Variants in TMEM178B observed in about 807,000 individuals in gnomAD.
The protein encoded by TMEM178B is transmembrane protein 178B.
In TMEM178B, 5 loss-of-function variants were observed where a neutral mutation model predicts 31.0. The ratio of observed to expected loss-of-function variants is 0.16; its 90% confidence interval spans 0.08 to 0.34. The LOEUF (loss-of-function observed/expected upper bound fraction) is 0.34. Ranked by LOEUF, TMEM178B falls within the 10% of genes least tolerant of loss-of-function variation. The pLI is 1.00. For synonymous variants in TMEM178B, 164 were observed against 164.0 expected (o/e 1.00, Z 0.00); for missense variants, 275 against 400.3 (o/e 0.69, Z 2.67).
In TMEM178B at chr7:141,171,027, C is replaced by T. The variant is rs1461506793; in HGVS notation, c.383-41564C>T. On this transcript the variant is annotated intron_variant, in intron 1 of 3. Coordinates refer to ENST00000565468, the MANE Select transcript of TMEM178B (RefSeq NM_001195278.2). The surrounding 1 kb of genome is among the most constrained non-coding windows in gnomAD (Gnocchi z 4.3). ...CACATCACACACACATACACACACA[C>T]ACACACACACACACACACACACACA... 3.1e-4 allele frequency among the ~76,000 whole-genome samples: 3 copies of T among 9,800 alleles called. No homozygotes were observed. Among genetic ancestry groups the T allele is most frequent in the Admixed American group, 8.3e-4 (1 of 1,208 alleles). The allele number at this position is 9,800 out of a possible 152,430, so 6.4% of individuals were successfully genotyped here.
At chr7:141,406,330 T>C (rs1282485632) in intron 2 of TMEM178B, among the ~76,000 whole-genome samples, 3 of 152,182 alleles carry the variant, frequency 2.0e-5, no homozygotes, top group Non-Finnish European at 4.4e-5. Flanking sequence ...CCTCTTTCCA[T>C]TGATGACTTT....
At chr7:141,337,647 A>G (rs140305594) in intron 2 of TMEM178B, among the ~76,000 whole-genome samples, 1 of 152,188 alleles carries the variant, frequency 6.6e-6, no homozygotes, top group African/African-American at 2.4e-5. Context: ...TTTTGGCTAC[A>G]TCTTTCAGGA....
rs572473875 is a variant in TMEM178B at position 141,410,798 on chromosome 7, C to T, written c.497-26810C>T. ...CAATCTCTTGTTGCTGTTGCCATGACGATCGTATTAAAAGTGGACCCCCAT... is the reference window on the plus strand; with the variant it reads ...CAATCTCTTGTTGCTGTTGCCATGATGATCGTATTAAAAGTGGACCCCCAT... On this transcript the variant is annotated intron_variant, in intron 2 of 3. Transcript: ENST00000565468. 6.6e-5 allele frequency among the ~76,000 whole-genome samples: 10 copies of T among 152,240 alleles called. No homozygotes were observed. The East Asian group carries it at 7.7e-4, about 12-fold the overall frequency.
chr7:141,223,635 A>C (rs908769692), intron 2 of TMEM178B, among the ~76,000 whole-genome samples: 1 of 151,778 alleles, frequency 6.6e-6, no homozygotes, highest in Non-Finnish European at 1.5e-5. Context: ...GAGTTCTGGG[A>C]GTTTGGGGGT....
At chr7:141,501,591 CA>C in the TMEM178B span, among the ~76,000 whole-genome samples, 1 of 152,294 alleles carries the variant, frequency 6.6e-6, no homozygotes, top group East Asian at 1.9e-4. Flanking sequence ...ATATTTAAAT[CA>C]GTAGACTTTG....
intron 2 of TMEM178B, among the ~76,000 whole-genome samples, chr7:141,285,159 T>G (rs547906694): frequency 5.1e-5 from 7 of 137,736 alleles, no homozygotes; most frequent in African/African-American, 1.6e-4. Context: ...TGTTTCTTTT[T>G]TTTTTTTTTT....
At chr7:141,164,001 C>A (rs187413459) in intron 1 of TMEM178B, among the ~76,000 whole-genome samples, 1 of 152,188 alleles carries the variant, frequency 6.6e-6, no homozygotes, top group East Asian at 1.9e-4. Context: ...CAGACTAAGA[C>A]ATTTGTAACT....
At chr7:141,112,527 A>G (rs1301229809) in intron 1 of TMEM178B, among the ~76,000 whole-genome samples, 1 of 152,248 alleles carries the variant, frequency 6.6e-6, no homozygotes, top group African/African-American at 2.4e-5. Flanking sequence ...GTTCTGAGAT[A>G]ACAGGCATGA....
intron 3 of TMEM178B, among the ~76,000 whole-genome samples, chr7:141,453,028 A>G (rs1223875302): frequency 3.3e-5 from 5 of 152,234 alleles, no homozygotes; most frequent in Admixed American, 2.0e-4. Flanking sequence ...TTTTCTGCCT[A>G]TTGAAGCCTG....
chr7:141,392,030 G>A (rs1012742516), intron 2 of TMEM178B, among the ~76,000 whole-genome samples: 3 of 151,742 alleles, frequency 2.0e-5, no homozygotes, highest in African/African-American at 7.3e-5. Flanking sequence ...TTTCACTTTT[G>A]GGGGAATATA....
chr7:141,495,514 G>A, the TMEM178B span, among the ~76,000 whole-genome samples: 2 of 152,108 alleles, frequency 1.3e-5, no homozygotes, highest in Non-Finnish European at 2.9e-5. Context: ...AAATTGGTGG[G>A]GGTGCTTTAG....
At chr7:141,463,271 C>T (rs1802090226) in intron 3 of TMEM178B, among the ~76,000 whole-genome samples, 1 of 152,160 alleles carries the variant, frequency 6.6e-6, no homozygotes, top group Admixed American at 6.5e-5. Context: ...GTCTGAGGTC[C>T]CTTCCAGAAC....
intron 2 of TMEM178B, among the ~76,000 whole-genome samples, chr7:141,362,037 G>A (rs928595887): frequency 1.3e-5 from 2 of 152,230 alleles, no homozygotes; most frequent in African/African-American, 2.4e-5. Context: ...TCTTTAGTGC[G>A]TGGCAATGGC....
intron 1 of TMEM178B, among the ~76,000 whole-genome samples, chr7:141,123,772 A>T (rs1201537953): frequency 6.6e-6 from 1 of 151,440 alleles, no homozygotes; most frequent in African/African-American, 2.4e-5. Context: ...TTTTTTTTTG[A>T]GACAGAGTCT....
At chr7:141,347,144 C>T (rs1258479480) in intron 2 of TMEM178B, among the ~76,000 whole-genome samples, 4 of 152,144 alleles carry the variant, frequency 2.6e-5, no homozygotes, top group African/African-American at 4.8e-5. Context: ...AACTGTGAGT[C>T]GATGACAACT....
chr7:141,134,028 A>G (rs1188132263), intron 1 of TMEM178B, among the ~76,000 whole-genome samples: 2 of 152,092 alleles, frequency 1.3e-5, no homozygotes, highest in African/African-American at 2.4e-5. Context: ...TAAGGGCAGG[A>G]GTTTGAGAGT....
At position 141,095,585 on chromosome 7, in the gene TMEM178B, A is replaced by G. The variant is rs191059188; in HGVS notation, c.382+20893A>G. On this transcript the variant is annotated intron_variant, in intron 1 of 3. Transcript: ENST00000565468. ...CTTATTGAATAGATTGCTCTCCTCC[A>G]TAATCTTTGGTCGCCCATTTGCTTT... Among the ~76,000 whole-genome samples, 171 of 152,254 alleles carry G rather than the reference A, an allele frequency of 1.1e-3. 1 individual carries two copies. Among genetic ancestry groups the G allele is most frequent in the Admixed American group, 9.1e-3 (139 of 15,300 alleles).
At chr7:141,495,869 C>T in the TMEM178B span, among the ~76,000 whole-genome samples, 2 of 152,160 alleles carry the variant, frequency 1.3e-5, no homozygotes, top group Non-Finnish European at 2.9e-5. Context: ...GTGAGTTTGT[C>T]CTTAGACACA....
intron 2 of TMEM178B, among the ~76,000 whole-genome samples, chr7:141,394,785 C>G (rs1056920243): frequency 1.3e-5 from 2 of 152,190 alleles, no homozygotes; most frequent in African/African-American, 2.4e-5. Context: ...TACTAAGATA[C>G]AGAATAGAGG....
Sources: allele counts gnomAD v4.1 joint callset (sites outside exome capture counted in the v4.1 genomes callset), GRCh38; gene constraint gnomAD v4.1.1; non-coding constraint Gnocchi (gnomAD v3.1); transcripts MANE v1.5; gene names NCBI Gene and HGNC (gene_info 2026-07-23, HGNC 2026-07-21).